The following FOXP2 variants were observed in gnomAD, a reference collection of about 807,000 sequenced individuals.
FOXP2 encodes the protein forkhead box P2, also known as forkhead box protein P2.
A neutral mutation model predicts 115.8 loss-of-function variants in FOXP2; 12 were observed. The observed-to-expected ratio is 0.10, with a 90% confidence interval of 0.07 to 0.17. The LOEUF (loss-of-function observed/expected upper bound fraction) is 0.17. Ranked by LOEUF, FOXP2 falls within the 10% of genes least tolerant of loss-of-function variation. The probability of loss-of-function intolerance (pLI) is 1.00; values close to 1 mark genes in which losing one functional copy is unlikely to be tolerated. For missense variants in FOXP2, 629 were observed against 843.5 expected (o/e 0.75, Z 3.15); for synonymous variants, 328 against 297.7 (o/e 1.10, Z -1.05).
chr7:114,164,860 G>A (rs1296763452), intron 1 of FOXP2, among the ~76,000 whole-genome samples: 1 of 152,028 alleles, frequency 6.6e-6, no homozygotes, highest in African/African-American at 2.4e-5. Context: ...GAAAAATCTT[G>A]GTGACCCTCT....
At chr7:114,334,345 G>A (rs190001608) in intron 2 of FOXP2, among the ~76,000 whole-genome samples, 1 of 149,786 alleles carries the variant, frequency 6.7e-6, no homozygotes, top group Non-Finnish European at 1.5e-5. Flanking sequence ...AAGTCTAGGA[G>A]GTAAGGAAGT....
chr7:114,402,646 G>T (rs1350727864), intron 2 of FOXP2, among the ~76,000 whole-genome samples: 10 of 150,276 alleles, frequency 6.7e-5, no homozygotes, highest in African/African-American at 2.5e-4. Flanking sequence ...TTGAGACAGG[G>T]TCTTGCTCTG....
intron 6 of FOXP2, among the ~76,000 whole-genome samples, chr7:114,638,672 T>G (rs1403528751): frequency 6.6e-6 from 1 of 152,178 alleles, no homozygotes; most frequent in Non-Finnish European, 1.5e-5. Flanking sequence ...GGAATCACCT[T>G]TGGAGCTTCA....
Position 114,295,010 on chromosome 7 carries a change from C to T in FOXP2, c.-11+6901C>T, listed in dbSNP as rs1343180834. Among the ~76,000 whole-genome samples, 3 of 151,736 alleles carry T rather than the reference C, an allele frequency of 2.0e-5. No individual in the cohort carries two copies. In the East Asian group the frequency reaches 5.8e-4, roughly 29 times the overall value. ...TGATAGAATTTGGACAAACATAATG[C>T]ACTATATTAAAAAAAGAAAACGATA... On this transcript the variant is annotated intron_variant, in intron 2 of 17. Coordinates refer to the FOXP2 transcript ENST00000634411.
intron 2 of FOXP2, among the ~76,000 whole-genome samples, chr7:114,484,813 T>C (rs1743113766): frequency 6.6e-6 from 1 of 151,922 alleles, no homozygotes; most frequent in African/African-American, 2.4e-5. Context: ...AATAACAAAA[T>C]CATTATCTAT....
intron 2 of FOXP2, among the ~76,000 whole-genome samples, chr7:114,390,518 T>TTATG (rs879481931): frequency 0.014 from 1,633 of 114,792 alleles, 10 homozygotes; most frequent in Admixed American, 0.022. Flanking sequence ...TTTGTTTTAT[T>TTATG]TATGTATTTA....
chr7:114,577,814 G>A (rs1801651660), intron 3 of FOXP2, among the ~76,000 whole-genome samples: 1 of 151,784 alleles, frequency 6.6e-6, no homozygotes, highest in African/African-American at 2.4e-5. Flanking sequence ...TATTTAGTCT[G>A]GCATACAACA....
At chr7:114,676,686 G>A (rs1387148780) in intron 16 of FOXP2, among the ~76,000 whole-genome samples, 2 of 151,994 alleles carry the variant, frequency 1.3e-5, no homozygotes, top group Non-Finnish European at 2.9e-5. Context: ...GTAAAAAGTT[G>A]GTTATTACTT....
intron 2 of FOXP2, among the ~76,000 whole-genome samples, chr7:114,344,486 G>C (rs1467080370): frequency 6.6e-6 from 1 of 151,908 alleles, no homozygotes; most frequent in South Asian, 2.1e-4. Context: ...TTTCCACATT[G>C]TATTAGGGCA....
intron 2 of FOXP2, among the ~76,000 whole-genome samples, chr7:114,306,870 C>G (rs980446200): frequency 2.0e-5 from 3 of 152,044 alleles, no homozygotes; most frequent in African/African-American, 4.8e-5. Flanking sequence ...ACTGGTTGAG[C>G]CTTTCTAACA....
At chr7:114,615,018 A>G (rs566429306) in intron 3 of FOXP2, among the ~76,000 whole-genome samples, 5 of 152,124 alleles carry the variant, frequency 3.3e-5, no homozygotes, top group African/African-American at 1.2e-4. Flanking sequence ...CAGGAGTTCA[A>G]GACCATCCTG....
At chr7:114,512,148 G>T (rs1008715178) in intron 2 of FOXP2, among the ~76,000 whole-genome samples, 1 of 151,978 alleles carries the variant, frequency 6.6e-6, no homozygotes, top group Admixed American at 6.6e-5. Context: ...ATGTTCTAGC[G>T]CCTTGCAACA....
intron 2 of FOXP2, among the ~76,000 whole-genome samples, chr7:114,381,039 C>T (rs997474974): frequency 1.3e-5 from 2 of 152,152 alleles, no homozygotes; most frequent in African/African-American, 2.4e-5. Context: ...TTCAGGTGTC[C>T]ATCTTACTAA....
chr7:114,675,422 T>C lies in FOXP2; in HGVS notation c.2003+10986T>C, dbSNP rs1162253464. Among the ~76,000 whole-genome samples the C allele has an allele frequency of 5.3e-5, 8 of 152,276 alleles. No individual in the cohort carries two copies. In the East Asian group the frequency reaches 1.5e-3, roughly 29 times the overall value. The stretch of plus-strand genomic sequence containing the variant: ...CAAAAGTAACAAACGAAAACAAAAG[T>C]TAAGCTCAGGAAAAGACATTTAAAT... On this transcript the variant is annotated intron_variant, in intron 16 of 16. Transcript: ENST00000350908.
intron 2 of FOXP2, among the ~76,000 whole-genome samples, chr7:114,521,530 C>G (rs1268051262): frequency 1.6e-5 from 1 of 63,904 alleles, no homozygotes; most frequent in Non-Finnish European, 2.6e-5. Flanking sequence ...AGGACACTGT[C>G]TCAAAAAAAA....
chr7:114,574,111 C>A (rs76865143), intron 3 of FOXP2, among the ~76,000 whole-genome samples: 1 of 151,766 alleles, frequency 6.6e-6, no homozygotes, highest in East Asian at 1.9e-4. Context: ...ATTTAATGTG[C>A]CTCTATCAAT....
chr7:114,529,047 A>G (rs1443814730), intron 2 of FOXP2, among the ~76,000 whole-genome samples: 1 of 151,892 alleles, frequency 6.6e-6, no homozygotes, highest in Non-Finnish European at 1.5e-5. Context: ...TGTAGGTAAT[A>G]TTAGGATATT....
At chr7:114,270,043 T>C (rs1795996430) in intron 1 of FOXP2, among the ~76,000 whole-genome samples, 1 of 152,082 alleles carries the variant, frequency 6.6e-6, no homozygotes, top group African/African-American at 2.4e-5. Context: ...AGAAAACAAA[T>C]AAGAAATCAA....
In FOXP2 at chr7:114,560,528, A is replaced by G. The variant is rs540701408; in HGVS notation, c.258+25822A>G. Among the ~76,000 whole-genome samples, 4 of 152,304 alleles carry G rather than the reference A, an allele frequency of 2.6e-5. No homozygotes were observed. In the South Asian group the frequency reaches 8.3e-4, roughly 32 times the overall value. Reference sequence around the variant, plus strand: ...CTACTTGGGAGGCAGAGGCACAAGAATTGCTTGAGCTCAGGAGGCAGCAGT... The same window carrying G: ...CTACTTGGGAGGCAGAGGCACAAGAGTTGCTTGAGCTCAGGAGGCAGCAGT... On this transcript the variant is annotated intron_variant, in intron 3 of 16. Transcript: ENST00000350908.
Sources: gnomAD v4.1 joint callset for allele counts (sites outside exome capture counted in the v4.1 genomes callset) on GRCh38, gnomAD v4.1.1 for gene constraint, MANE v1.5 for transcripts, NCBI Gene and HGNC (gene_info 2026-07-23, HGNC 2026-07-21) for gene names.